The following VGLL4 variants were observed in gnomAD, a reference collection of about 807,000 sequenced individuals.
The protein encoded by VGLL4 is vestigial like family member 4.
A neutral mutation model predicts 21.0 loss-of-function variants in VGLL4; 7 were observed. The ratio of observed to expected loss-of-function variants is 0.33; its 90% CI spans 0.19 to 0.63. The LOEUF (loss-of-function observed/expected upper bound fraction) is 0.63, where lower values mean the gene tolerates loss of function less well. Among genes scored for constraint, VGLL4 ranks in the 20% least tolerant of loss-of-function variants. The probability of loss-of-function intolerance (pLI) is 0.78; values close to 1 mark genes in which losing one functional copy is unlikely to be tolerated. For missense variants in VGLL4, 394 were observed against 425.7 expected (o/e 0.93, Z 0.66); for synonymous variants, 222 against 173.2 (o/e 1.28, Z -2.21).
At chr3:11,611,000 G>A (rs1226618874) in intron 1 of VGLL4, among the ~76,000 whole-genome samples, 2 of 152,176 alleles carry the variant, frequency 1.3e-5, no homozygotes, top group East Asian at 3.9e-4. Context: ...GCTGATTAAT[G>A]GAAGCACTGG....
At chr3:11,591,917 TAAC>T (rs1165984915) in intron 2 of VGLL4, among the ~76,000 whole-genome samples, 1 of 152,260 alleles carries the variant, frequency 6.6e-6, no homozygotes, top group Non-Finnish European at 1.5e-5. Flanking sequence ...AATCCCGATG[TAAC>T]AACAATATTG....
At chr3:11,594,172 T>C (rs970773181) in intron 2 of VGLL4, among the ~76,000 whole-genome samples, 5 of 152,222 alleles carry the variant, frequency 3.3e-5, no homozygotes, top group South Asian at 2.1e-4. Flanking sequence ...TGTGCACCTC[T>C]AAAGCTGCAT....
chr3:11,559,515 G>T, intron 3 of VGLL4, 60 bp from the exon 4 acceptor site: 2 of 1,483,388 alleles, frequency 1.3e-6, no homozygotes, highest in Non-Finnish European at 1.8e-6. Flanking sequence ...CACCACCCCT[G>T]GGGCCCTCCC....
Position 11,643,523 on chromosome 3 carries a change from T to C in VGLL4, c.-5A>G, listed in dbSNP as rs780093543. 5.0e-6 allele frequency: 8 copies of C among 1,614,028 alleles called. No homozygotes were observed. The highest frequency in any genetic ancestry group is 5.9e-6 in the Non-Finnish European group (7 of 1,179,890). On this transcript the variant is annotated 5_prime_UTR_variant, in exon 1 of 5. Coordinates refer to ENST00000430365, the MANE Select transcript of VGLL4 (RefSeq NM_001128219.3). ...GTCCATCTTCATAAATAGCATTTATTGGGCTAGCAAAGAAAACCAGCTCTT... is the reference window on the plus strand; with the variant it reads ...GTCCATCTTCATAAATAGCATTTATCGGGCTAGCAAAGAAAACCAGCTCTT...
At chr3:11,593,783 G>C (rs1196330306) in intron 2 of VGLL4, among the ~76,000 whole-genome samples, 1 of 152,102 alleles carries the variant, frequency 6.6e-6, no homozygotes, top group Non-Finnish European at 1.5e-5. Context: ...ACAACAAGGG[G>C]CCCATCTCAC....
chr3:11,629,530 G>A (rs527662939), intron 1 of VGLL4, among the ~76,000 whole-genome samples: 20 of 152,158 alleles, frequency 1.3e-4, no homozygotes, highest in East Asian at 1.2e-3. Context: ...GCAGAGGCAG[G>A]TGGATCACCT....
chr3:11,665,439 C>A (rs2076107099), intron 2 of VGLL4, among the ~76,000 whole-genome samples: 1 of 152,160 alleles, frequency 6.6e-6, no homozygotes, highest in South Asian at 2.1e-4. Flanking sequence ...TCTAAAAAGT[C>A]CCCCATATTG....
At chr3:11,559,904 A>G (rs1327202800) in intron 3 of VGLL4, among the ~76,000 whole-genome samples, 1 of 152,144 alleles carries the variant, frequency 6.6e-6, no homozygotes, top group Non-Finnish European at 1.5e-5. Context: ...AACTGGAAGC[A>G]TTTTGCTTGA....
chr3:11,629,281 T>C (rs2075425923), intron 1 of VGLL4, among the ~76,000 whole-genome samples: 1 of 152,144 alleles, frequency 6.6e-6, no homozygotes, highest in Non-Finnish European at 1.5e-5. Flanking sequence ...TTTAAAAGAT[T>C]CTACAATTCT....
At chr3:11,628,933 T>C (rs995142451) in intron 1 of VGLL4, among the ~76,000 whole-genome samples, 3 of 152,222 alleles carry the variant, frequency 2.0e-5, no homozygotes, top group African/African-American at 7.2e-5. Flanking sequence ...GCATGCTGAT[T>C]AGCATGCAGT....
rs1041068655 is a variant in VGLL4, at chr3:11,568,093, G to A, written c.273-3074C>T. ...CAATCTAGCAGGGACAGAAAGGCCC[G>A]GGAGGGGCTGCAGCTCCCAAGTGAC... is the stretch of plus-strand genomic sequence containing the variant. On this transcript the variant is annotated intron_variant, in intron 2 of 4. Transcript: ENST00000430365. This position sits in a 1 kb window ranked among gnomAD's most constrained non-coding sequence, Gnocchi z 5.9. 1.3e-5 allele frequency among the ~76,000 whole-genome samples: 2 copies of A among 152,216 alleles called. No homozygotes were observed. The highest frequency in any genetic ancestry group is 4.8e-5 in the African/African-American group (2 of 41,460).
intron 3 of VGLL4, 25 bp from the exon 4 acceptor site, chr3:11,559,480 T>C (rs759826457): frequency 2.0e-6 from 3 of 1,535,800 alleles, no homozygotes; most frequent in South Asian, 1.2e-5. Flanking sequence ...GGTGTCAGTA[T>C]GTGGAGACCA....
chr3:11,581,356 C>A (rs1318305577), intron 2 of VGLL4, among the ~76,000 whole-genome samples: 1 of 152,164 alleles, frequency 6.6e-6, no homozygotes, highest in Non-Finnish European at 1.5e-5. Context: ...CGTGAGCCAC[C>A]GTGCCCAGCC....
At chr3:11,659,340 T>C (rs868245422) in intron 2 of VGLL4, among the ~76,000 whole-genome samples, 3,240 of 143,252 alleles carry the variant, frequency 0.023, 91 homozygotes, top group African/African-American at 0.078. Flanking sequence ...TTTTTTTTTT[T>C]TTTTTTTTGA....
At chr3:11,673,090 G>T (rs2076240415) in intron 2 of VGLL4, among the ~76,000 whole-genome samples, 1 of 152,086 alleles carries the variant, frequency 6.6e-6, no homozygotes, top group South Asian at 2.1e-4. Flanking sequence ...TATAAGTTTT[G>T]CACATCCCCT....
At chr3:11,697,454 A>G (rs2076621086) in intron 2 of VGLL4, among the ~76,000 whole-genome samples, 2 of 152,146 alleles carry the variant, frequency 1.3e-5, no homozygotes, top group Non-Finnish European at 2.9e-5. Flanking sequence ...TTCAAAAGCC[A>G]CAGTATTAGA....
chr3:11,705,564 G>A (rs1001166045), intron 1 of VGLL4, among the ~76,000 whole-genome samples: 1 of 152,256 alleles, frequency 6.6e-6, no homozygotes, highest in African/African-American at 2.4e-5. Context: ...GGAAGGATTT[G>A]TGAACTTGTT....
At chr3:11,628,030 AATG>A (rs991364299) in intron 1 of VGLL4, among the ~76,000 whole-genome samples, 14 of 152,166 alleles carry the variant, frequency 9.2e-5, no homozygotes, top group African/African-American at 3.1e-4. Context: ...ACAACAAATA[AATG>A]ATAAGGTAAT....
At chr3:11,603,858 A>G (rs1038357891) in intron 1 of VGLL4, among the ~76,000 whole-genome samples, 2 of 152,218 alleles carry the variant, frequency 1.3e-5, no homozygotes, top group Non-Finnish European at 2.9e-5. Flanking sequence ...CCAAAAAAGG[A>G]GCCGTCACTC....
Sources: gnomAD v4.1 joint callset for allele counts (sites outside exome capture counted in the v4.1 genomes callset) on GRCh38, gnomAD v4.1.1 for gene constraint, Gnocchi (gnomAD v3.1) non-coding constraint, MANE v1.5 for transcripts, NCBI Gene and HGNC (gene_info 2026-07-23, HGNC 2026-07-21) for gene names.